SLC25A26: variants seen among roughly 807,000 people sequenced by gnomAD.
SLC25A26 encodes solute carrier family 25 member 26.
SLC25A26 carries 36 observed loss-of-function variants against 37.8 expected under a neutral mutation model. That is an observed-to-expected ratio of 0.95 (90% CI 0.73 to 1.26). SLC25A26 has a LOEUF of 1.26. Ranked by LOEUF, SLC25A26 falls within the 50% of genes most tolerant of loss-of-function variation. The pLI, the probability that SLC25A26 is intolerant of heterozygous loss-of-function variation, is 0.00. For missense variants in SLC25A26, 390 were observed against 331.1 expected (o/e 1.18, Z -1.38); for synonymous variants, 129 against 122.5 (o/e 1.05, Z -0.35).
intron 3 of SLC25A26, among the ~76,000 whole-genome samples, chr3:66,261,212 A>G (rs974502167): frequency 7.2e-5 from 11 of 152,254 alleles, no homozygotes; most frequent in Non-Finnish European, 1.5e-4. Context: ...TGCTAGGTGC[A>G]TAGCGGCTTA....
chr3:66,159,435 T>C (rs36194625), intron 1 of SLC25A26, among the ~76,000 whole-genome samples: 62,496 of 152,078 alleles, frequency 0.41, 13,076 homozygotes, highest in African/African-American at 0.46. Flanking sequence ...ATGTAAATTA[T>C]GTTGAGTTTA....
intron 5 of SLC25A26, among the ~76,000 whole-genome samples, chr3:66,345,933 C>T (rs1015192584): frequency 6.6e-6 from 1 of 152,226 alleles, no homozygotes; most frequent in Admixed American, 6.5e-5. Context: ...TGGCTCACGC[C>T]TGTAATCCCA....
chr3:66,256,166 C>T (rs2073293480), intron 3 of SLC25A26, among the ~76,000 whole-genome samples: 1 of 151,930 alleles, frequency 6.6e-6, no homozygotes, highest in South Asian at 2.1e-4. Context: ...CTTATTTTTT[C>T]TTATTTATTT....
intron 5 of SLC25A26, among the ~76,000 whole-genome samples, chr3:66,278,817 CTATACT>C (rs1245409229): frequency 3.9e-5 from 6 of 152,314 alleles, no homozygotes; most frequent in Admixed American, 2.0e-4. Context: ...CTTCTCTCAA[CTATACT>C]TTCATTGTAC....
At chr3:66,224,585 C>T (rs1394539495) in intron 1 of SLC25A26, among the ~76,000 whole-genome samples, 1 of 152,128 alleles carries the variant, frequency 6.6e-6, no homozygotes, top group Non-Finnish European at 1.5e-5. Context: ...GACACAGAGC[C>T]AAACCATATC....
rs941263616 is a variant in SLC25A26, at chr3:66,371,427, C to T, written c.707+825C>T. On this transcript the variant is annotated intron_variant, in intron 9 of 9. Transcript: ENST00000354883. Reference sequence around the variant, plus strand: ...GACATGAAGTAGGTGAGTCAGGACCCAGTTAAGGTTTTTATAGGAGAGCAG... The same window carrying T: ...GACATGAAGTAGGTGAGTCAGGACCTAGTTAAGGTTTTTATAGGAGAGCAG... 3 of 1,435,024 alleles carry T rather than the reference C, an allele frequency of 2.1e-6. No homozygotes were observed. The African/African-American group carries it at 4.3e-5, about 21-fold the overall frequency. 88.9% of individuals were successfully genotyped at this position (1,435,024 alleles called of 1,614,324 possible). A position where few individuals can be genotyped will look rare whatever the true frequency, so the allele number is the denominator to read the frequency against.
chr3:66,162,007 C>T (rs2070366114), intron 1 of SLC25A26, among the ~76,000 whole-genome samples: 1 of 152,220 alleles, frequency 6.6e-6, no homozygotes, highest in Admixed American at 6.5e-5. Context: ...TAACAAAGTA[C>T]TGCAGACCTG....
At chr3:66,368,058 T>C (rs1347964931) in intron 7 of SLC25A26, among the ~76,000 whole-genome samples, 3 of 152,220 alleles carry the variant, frequency 2.0e-5, no homozygotes. Flanking sequence ...GTCAGTGTCA[T>C]AATCAGTGTT....
At chr3:66,189,764 C>A (rs1057040215) in intron 1 of SLC25A26, among the ~76,000 whole-genome samples, 1 of 152,122 alleles carries the variant, frequency 6.6e-6, no homozygotes, top group Non-Finnish European at 1.5e-5. Context: ...TGGGCTCAAG[C>A]GACTTTCCCT....
intron 1 of SLC25A26, among the ~76,000 whole-genome samples, chr3:66,187,850 C>A (rs1012123815): frequency 8.2e-4 from 125 of 151,860 alleles, no homozygotes; most frequent in African/African-American, 2.9e-3. Flanking sequence ...TAATATTAAC[C>A]CTTATCTTGA....
chr3:66,377,705 C>T lies in SLC25A26; in HGVS notation c.723C>T (p.Val241=), dbSNP rs774540861. The T allele has an allele frequency of 6.2e-7, 1 of 1,613,616 alleles. No homozygotes were observed. Among genetic ancestry groups the T allele is most frequent in the South Asian group, 1.1e-5 (1 of 91,060 alleles). Residue 241 remains valine (V), a synonymous_variant, in exon 10 of 10, where the codon GTC becomes GTT. Coordinates refer to ENST00000354883, the MANE Select transcript of SLC25A26 (RefSeq NM_001379210.1). ...TTTCCCCTAGATTATTTGCAGGTGT[C>T]TTCCCTCGAATGGCAGCCATCAGTC... ...SQGLAGLFAG[V]FPRMAAISLG...
chr3:66,312,204 T>C (rs752880695), intron 5 of SLC25A26, among the ~76,000 whole-genome samples: 20 of 152,182 alleles, frequency 1.3e-4, no homozygotes, highest in Admixed American at 2.6e-4. Flanking sequence ...TGAGGCAGTC[T>C]AGAGAGGCAG....
chr3:66,227,435 CTA>C (rs2071810580), intron 1 of SLC25A26, among the ~76,000 whole-genome samples: 1 of 152,098 alleles, frequency 6.6e-6, no homozygotes, highest in South Asian at 2.1e-4. Flanking sequence ...GAGGTAACAA[CTA>C]TTTGCTGTCT....
At chr3:66,177,506 C>T (rs2070608289) in intron 1 of SLC25A26, among the ~76,000 whole-genome samples, 1 of 152,228 alleles carries the variant, frequency 6.6e-6, no homozygotes, top group South Asian at 2.1e-4. Context: ...CTACTGACCT[C>T]TTCCTTACCA....
intron 2 of SLC25A26, among the ~76,000 whole-genome samples, chr3:66,238,549 A>AT (rs1377759428): frequency 7.9e-5 from 12 of 151,870 alleles, no homozygotes; most frequent in Admixed American, 3.3e-4. Context: ...CACCTGGCTA[A>AT]TTTTTTTATT....
At position 66,304,816 on chromosome 3, in the gene SLC25A26, A is replaced by G. The variant is rs141815027; in HGVS notation, c.453+41437A>G. 9.8e-5 allele frequency among the ~76,000 whole-genome samples: 15 copies of G among 152,340 alleles called. No individual in the cohort carries two copies. The East Asian group carries it at 2.5e-3, about 25-fold the overall frequency. On this transcript the variant is annotated intron_variant, in intron 5 of 9. Transcript: ENST00000354883. ...CAGAATTATCCTGTTTACCAAATGA[A>G]TTGTGATAAAAATTGATACATTAGT...
chr3:66,195,763 A>G (rs1475745671), intron 1 of SLC25A26, among the ~76,000 whole-genome samples: 1 of 152,268 alleles, frequency 6.6e-6, no homozygotes, highest in Non-Finnish European at 1.5e-5. Flanking sequence ...GAATGGTTGA[A>G]GAATATGCAA....
chr3:66,296,714 A>G (rs1024817231), intron 5 of SLC25A26, among the ~76,000 whole-genome samples: 1 of 152,262 alleles, frequency 6.6e-6, no homozygotes, highest in Non-Finnish European at 1.5e-5. Context: ...TAAAACTTTG[A>G]ACAGAAGCAT....
chr3:66,192,070 A>G (rs1373162718), intron 1 of SLC25A26, among the ~76,000 whole-genome samples: 4 of 151,982 alleles, frequency 2.6e-5, no homozygotes, highest in African/African-American at 9.7e-5. Flanking sequence ...TAATCCCAGC[A>G]CTTTGAGAGG....
Sources: allele counts gnomAD v4.1 joint callset (sites outside exome capture counted in the v4.1 genomes callset), GRCh38; gene constraint gnomAD v4.1.1; transcripts MANE v1.5; gene names NCBI Gene and HGNC (gene_info 2026-07-23, HGNC 2026-07-21).